Variants in MARK2 observed in about 807,000 individuals in gnomAD.
The protein encoded by MARK2 is serine/threonine-protein kinase MARK2.
Under a neutral mutation model 89.8 loss-of-function variants are expected in MARK2, and 16 were observed. The ratio of observed to expected loss-of-function variants is 0.18; its 90% CI spans 0.12 to 0.27. The LOEUF (loss-of-function observed/expected upper bound fraction) is 0.27, where lower values mean the gene tolerates loss of function less well. Ranked by LOEUF, MARK2 falls within the 10% of genes least tolerant of loss-of-function variation. The pLI, the probability that MARK2 is intolerant of heterozygous loss-of-function variation, is 1.00. For synonymous variants in MARK2, 382 were observed against 399.5 expected, an observed-to-expected ratio of 0.96 and a Z score of 0.52; for missense variants, 621 against 1,049.9, an observed-to-expected ratio of 0.59 and a Z score of 5.65.
Position 63,909,926 on chromosome 11 carries a change from C to T in MARK2, c.*689C>T, listed in dbSNP as rs1018860672. On this transcript the variant is annotated 3_prime_UTR_variant, in exon 19 of 19. Transcript: ENST00000402010. ...CTGAGGCTGGAGGGCCGGCACAAGG[C>T]TCCGCCTCCCTCCACACTGTACCCT... 2.6e-5 allele frequency: 4 copies of T among 152,828 alleles called. No individual in the cohort carries two copies. Among genetic ancestry groups the T allele is most frequent in the African/African-American group, 7.2e-5 (3 of 41,450 alleles). 9.5% of individuals were successfully genotyped at this position (152,828 alleles called of 1,614,324 possible).
At chr11:63,876,819 G>A (rs894806487) in intron 1 of MARK2, among the ~76,000 whole-genome samples, 1 of 152,196 alleles carries the variant, frequency 6.6e-6, no homozygotes, top group African/African-American at 2.4e-5. Context: ...AGTCTGTGTA[G>A]CAGCACATCT....
chr11:63,906,166 G>T, intron 17 of MARK2, 52 bp downstream of exon 17: 1 of 1,259,184 alleles, frequency 7.9e-7, no homozygotes. Flanking sequence ...TCTGTGTCCT[G>T]TGTCCTGCCT....
chr11:63,853,006 G>A (rs761563367), intron 1 of MARK2, among the ~76,000 whole-genome samples: 1 of 152,288 alleles, frequency 6.6e-6, no homozygotes, highest in Non-Finnish European at 1.5e-5. Context: ...ACTGAGAGAC[G>A]AATGAAGTCT....
At chr11:63,892,990 C>A (rs185517102) in intron 1 of MARK2, among the ~76,000 whole-genome samples, 4 of 148,518 alleles carry the variant, frequency 2.7e-5, no homozygotes, top group East Asian at 4.0e-4. Context: ...CTCACTGTAA[C>A]CTCCTCCTCC....
chr11:63,873,374 C>A (rs1938566359), intron 1 of MARK2, among the ~76,000 whole-genome samples: 1 of 152,148 alleles, frequency 6.6e-6, no homozygotes, highest in Admixed American at 6.5e-5. Context: ...TCCCTGGCCT[C>A]AACAAGACAG....
chr11:63,886,656 T>C (rs192401667), intron 1 of MARK2, among the ~76,000 whole-genome samples: 10 of 152,250 alleles, frequency 6.6e-5, no homozygotes, highest in Non-Finnish European at 1.5e-4. Flanking sequence ...ACTCCTGACC[T>C]CAAGTGATCC....
At chr11:63,876,698 TC>T (rs1277507941) in intron 1 of MARK2, among the ~76,000 whole-genome samples, 1 of 129,170 alleles carries the variant, frequency 7.7e-6, no homozygotes, top group Admixed American at 9.3e-5. Context: ...GGAGCTGTAT[TC>T]CTCTTGGAGC....
chr11:63,889,953 C>T (rs1257263556), intron 1 of MARK2, among the ~76,000 whole-genome samples: 4 of 152,154 alleles, frequency 2.6e-5, no homozygotes, highest in African/African-American at 9.7e-5. Flanking sequence ...GTGGCTTTTG[C>T]CAGGTCCTAT....
chr11:63,893,783 T>C (rs746579496), intron 1 of MARK2, among the ~76,000 whole-genome samples: 13 of 152,218 alleles, frequency 8.5e-5, no homozygotes, highest in Non-Finnish European at 1.8e-4. Flanking sequence ...TGACAGGTTA[T>C]AAGCAAAATT....
At chr11:63,848,929 G>C (rs968863298) in intron 1 of MARK2, among the ~76,000 whole-genome samples, 1 of 151,232 alleles carries the variant, frequency 6.6e-6, no homozygotes, top group Non-Finnish European at 1.5e-5. Context: ...GGATGGTCTC[G>C]ATCTCCTGAC....
intron 1 of MARK2, among the ~76,000 whole-genome samples, chr11:63,878,039 C>T (rs892921283): frequency 2.6e-5 from 4 of 152,326 alleles, no homozygotes; most frequent in Admixed American, 2.6e-4. Context: ...GTTGAGACTG[C>T]AGCAGCAGTG....
At position 63,876,183 on chromosome 11, in the gene MARK2, C is replaced by T. The variant is rs187229899; in HGVS notation, c.55-18976C>T. Reference sequence around the variant, plus strand: ...CTTTCTGCCTGGGTGCAGACTTGAACCCAAGTCCAAGTTCAAGCCATGTGT... The same window carrying T: ...CTTTCTGCCTGGGTGCAGACTTGAATCCAAGTCCAAGTTCAAGCCATGTGT... On this transcript the variant is annotated intron_variant, in intron 1 of 18. Transcript: ENST00000402010. Among the ~76,000 whole-genome samples the T allele has an allele frequency of 6.2e-3, 950 of 152,260 alleles. 13 individuals carry two copies. The highest frequency in any genetic ancestry group is 0.022 in the African/African-American group (910 of 41,538).
Position 63,909,362 on chromosome 11 carries a change from C to G in MARK2, c.*125C>G. The G allele has an allele frequency of 1.0e-6, 1 of 1,000,210 alleles. No homozygotes were observed. Among genetic ancestry groups the G allele is most frequent in the African/African-American group, 1.7e-5 (1 of 59,942 alleles). 62.0% of individuals were successfully genotyped at this position (1,000,210 alleles called of 1,614,324 possible). ...TGTCTCCCCTGCTGGCACTTCTCCC[C>G]TCCCTGGCCCTTCTCAGTTTTCTCT... On this transcript the variant is annotated 3_prime_UTR_variant, in exon 19 of 19. Transcript: ENST00000402010.
chr11:63,854,291 C>A (rs1164582017), intron 1 of MARK2, among the ~76,000 whole-genome samples: 1 of 151,538 alleles, frequency 6.6e-6, no homozygotes, highest in African/African-American at 2.4e-5. Flanking sequence ...CCTCTGCCTC[C>A]CGGGTTCAAG....
At chr11:63,908,715 G>A (rs1438250026) in intron 18 of MARK2, among the ~76,000 whole-genome samples, 162 bp from the exon 19 acceptor site, 1 of 152,164 alleles carries the variant, frequency 6.6e-6, no homozygotes, top group African/African-American at 2.4e-5. Flanking sequence ...GATGGGGGTT[G>A]GAGGACTGCC....
At chr11:63,880,271 G>T (rs1161937224) in intron 1 of MARK2, 4 of 151,352 alleles carry the variant, frequency 2.6e-5, no homozygotes, top group South Asian at 2.1e-4. Flanking sequence ...TAGTTCTTTT[G>T]CTTTTCTGTA....
At chr11:63,843,117 C>G (rs552277355) in intron 1 of MARK2, among the ~76,000 whole-genome samples, 3 of 152,150 alleles carry the variant, frequency 2.0e-5, no homozygotes, top group Non-Finnish European at 4.4e-5. Context: ...AAGGAGGGTT[C>G]TAATCTGGGG....
rs191694223 is a variant in MARK2 at position 63,851,474 on chromosome 11, C to A, written c.54+11914C>A. 3.1e-3 allele frequency among the ~76,000 whole-genome samples: 470 copies of A among 151,804 alleles called. 3 individuals are homozygous for A. The highest frequency in any genetic ancestry group is 5.2e-3 in the Non-Finnish European group (354 of 67,956). The stretch of plus-strand genomic sequence containing the variant: ...GGGCTATTTCTTTCATTGTATTTTC[C>A]TCTTCCTTTTGAACCCCTCTGCTGA... On this transcript the variant is annotated intron_variant, in intron 1 of 18. Coordinates refer to ENST00000402010, the MANE Select transcript of MARK2 (RefSeq NM_001039469.3).
chr11:63,900,696 A>G lies in MARK2; in HGVS notation c.888+18A>G, dbSNP rs1020327241. On this transcript the variant is annotated intron_variant, in intron 9 of 18. Transcript: ENST00000402010. The surrounding 1 kb of genome is among the most constrained non-coding windows in gnomAD (Gnocchi z 4.7). The stretch of plus-strand genomic sequence containing the variant: ...CTTTAGAGGTGAGCAGTGGAGCCCA[A>G]CTGGCGGAAGGGCCTGGGGTCCCCA... 7 of 1,613,838 alleles carry G rather than the reference A, an allele frequency of 4.3e-6. No homozygotes were observed. Among genetic ancestry groups the G allele is most frequent in the African/African-American group, 1.3e-5 (1 of 74,930 alleles).
Sources: allele counts gnomAD v4.1 joint callset (sites outside exome capture counted in the v4.1 genomes callset), GRCh38; gene constraint gnomAD v4.1.1; non-coding constraint Gnocchi (gnomAD v3.1); transcripts MANE v1.5; gene names NCBI Gene and HGNC (gene_info 2026-07-23, HGNC 2026-07-21).